KLHL1: variants seen among roughly 807,000 people sequenced by gnomAD.
KLHL1 encodes the protein kelch-like protein 1.
A neutral mutation model predicts 77.7 loss-of-function variants in KLHL1; 47 were observed. The observed-to-expected ratio is 0.60, with a 90% confidence interval of 0.48 to 0.77. KLHL1 has a LOEUF of 0.77. Ranked by LOEUF, KLHL1 falls within the 30% of genes least tolerant of loss-of-function variation. The pLI, the probability that KLHL1 is intolerant of heterozygous loss-of-function variation, is 0.00. For synonymous variants in KLHL1, 360 were observed against 325.2 expected (o/e 1.11, Z -1.15); for missense variants, 925 against 910.8 (o/e 1.02, Z -0.20).
chr13:69,906,075 T>A (rs1219180140), intron 4 of KLHL1, among the ~76,000 whole-genome samples: 1 of 152,062 alleles, frequency 6.6e-6, no homozygotes, highest in African/African-American at 2.4e-5. Flanking sequence ...TGGCTTCACA[T>A]TGGGAATTTT....
chr13:70,059,181 T>C (rs1465696523), intron 1 of KLHL1, among the ~76,000 whole-genome samples: 1 of 148,338 alleles, frequency 6.7e-6, no homozygotes, highest in Non-Finnish European at 1.5e-5. Flanking sequence ...TTTCCTGAGA[T>C]GGAATCTCAC....
rs1213045577 is a variant in KLHL1, at chr13:70,107,703, T to C, written c.-4A>G. On this transcript the variant is annotated 5_prime_UTR_variant, in exon 1 of 11. Transcript: ENST00000377844. ...CTTTTCGCCCAGAGCCTGACATGCT[T>C]TACGCACAGAAGGCAAAAGGCTGGC... 1.3e-6 allele frequency: 2 copies of C among 1,516,550 alleles called. No homozygotes were observed. The highest frequency in any genetic ancestry group is 8.8e-7 in the Non-Finnish European group (1 of 1,137,264). 93.9% of individuals were successfully genotyped at this position (1,516,550 alleles called of 1,614,324 possible).
At chr13:70,051,849 T>C (rs983335489) in intron 1 of KLHL1, among the ~76,000 whole-genome samples, 2 of 152,024 alleles carry the variant, frequency 1.3e-5, no homozygotes, top group East Asian at 3.8e-4. Context: ...AAATACTTGA[T>C]ATCTACATTT....
chr13:69,711,826 T>G (rs1875889450), intron 9 of KLHL1, among the ~76,000 whole-genome samples: 1 of 152,168 alleles, frequency 6.6e-6, no homozygotes, highest in Admixed American at 6.6e-5. Flanking sequence ...ACTCCTACCA[T>G]CAGTGTAATG....
chr13:69,938,097 G>A (rs1448092572), intron 4 of KLHL1, among the ~76,000 whole-genome samples: 1 of 152,038 alleles, frequency 6.6e-6, no homozygotes, highest in Non-Finnish European at 1.5e-5. Flanking sequence ...GAGAACATAT[G>A]CCTGATTGGA....
intron 8 of KLHL1, among the ~76,000 whole-genome samples, chr13:69,735,770 T>A (rs1273615887): frequency 1.3e-5 from 2 of 151,776 alleles, no homozygotes; most frequent in African/African-American, 2.4e-5. Context: ...AATCTGTAAA[T>A]ATTTATTTAC....
At chr13:70,056,018 A>G (rs1886736029) in intron 1 of KLHL1, among the ~76,000 whole-genome samples, 1 of 152,080 alleles carries the variant, frequency 6.6e-6, no homozygotes, top group Non-Finnish European at 1.5e-5. Flanking sequence ...CAATCAAAAG[A>G]CATGCTGTGG....
At chr13:69,925,551 G>T (rs990181180) in intron 4 of KLHL1, among the ~76,000 whole-genome samples, 2 of 152,052 alleles carry the variant, frequency 1.3e-5, no homozygotes, top group South Asian at 4.1e-4. Context: ...CATTGACACT[G>T]TTGAAGGATT....
chr13:69,740,372 A>C (rs767037112), intron 8 of KLHL1, 22 bp downstream of exon 8: 1 of 1,509,676 alleles, frequency 6.6e-7, no homozygotes, highest in African/African-American at 1.4e-5. Flanking sequence ...AAGATTAAAA[A>C]ATAAGAAAAA....
Position 69,860,010 on chromosome 13 carries a change from C to T in KLHL1, c.1228-20848G>A, listed in dbSNP as rs140255654. Among the ~76,000 whole-genome samples, 6 of 152,054 alleles carry T rather than the reference C, an allele frequency of 3.9e-5. No homozygotes were observed. In the East Asian group the frequency reaches 7.8e-4, roughly 20 times the overall value. ...TGATACCATCCCTGACTTATTCACC[C>T]GTTACAAATTCACTCAATTGTTAGG... On this transcript the variant is annotated intron_variant, in intron 5 of 10. Coordinates refer to ENST00000377844, the MANE Select transcript of KLHL1 (RefSeq NM_020866.3).
chr13:69,733,129 CTG>C (rs1427502681), intron 8 of KLHL1, among the ~76,000 whole-genome samples: 2 of 151,904 alleles, frequency 1.3e-5, no homozygotes, highest in African/African-American at 4.8e-5. Context: ...TGATAAATGA[CTG>C]TTCTGATTTC....
At chr13:69,955,058 A>C (rs1883825702) in intron 3 of KLHL1, among the ~76,000 whole-genome samples, 4 of 151,258 alleles carry the variant, frequency 2.6e-5, no homozygotes, top group African/African-American at 7.3e-5. Flanking sequence ...TTAAATCAAG[A>C]ATAGAATTTT....
At chr13:69,794,060 A>T (rs1566261461) in intron 7 of KLHL1, among the ~76,000 whole-genome samples, 2 of 152,154 alleles carry the variant, frequency 1.3e-5, no homozygotes, top group Non-Finnish European at 1.5e-5. Context: ...TGAATAGCAG[A>T]AGCAAACAGA....
intron 9 of KLHL1, among the ~76,000 whole-genome samples, chr13:69,709,334 A>G (rs558746976): frequency 4.7e-4 from 71 of 152,226 alleles, no homozygotes; most frequent in Admixed American, 1.3e-3. Context: ...TAAACATCAG[A>G]AAATAAAAGA....
chr13:69,879,111 G>A (rs910810362), intron 5 of KLHL1, among the ~76,000 whole-genome samples: 62 of 152,104 alleles, frequency 4.1e-4, no homozygotes, highest in Admixed American at 2.2e-3. Flanking sequence ...TAGGAGATAC[G>A]AGTTGATGGG....
chr13:69,954,934 T>G (rs1883822509), intron 3 of KLHL1, among the ~76,000 whole-genome samples: 1 of 151,156 alleles, frequency 6.6e-6, no homozygotes, highest in African/African-American at 2.4e-5. Context: ...ATTACTTTTA[T>G]TTTGTTACTG....
chr13:69,740,427 C>G lies in KLHL1; in HGVS notation c.1769G>C (p.Arg590Pro), dbSNP rs748882149. Reference protein sequence around the residue: ...WTFVASMSIARSTVGVAALNG... With the variant: ...WTFVASMSIAPSTVGVAALNG... ...CAATGCTGCTACACCAACTGTGCTC[C>G]GAGCAATTGACATACTGGCTACAAA... The change falls in exon 8 of 11, where the codon CGG (arginine) becomes CCG (proline). Residue 590 changes from arginine (R) to proline (P), a missense_variant. By Grantham distance (103) the Arg-to-Pro change is moderately radical. Coordinates refer to ENST00000377844, the MANE Select transcript of KLHL1 (RefSeq NM_020866.3). 1.7e-5 allele frequency: 27 copies of G among 1,609,150 alleles called. No individual in the cohort carries two copies. Among genetic ancestry groups the G allele is most frequent in the Non-Finnish European group, 3.4e-6 (4 of 1,176,820 alleles).
chr13:69,768,953 T>A (rs1248752504), intron 7 of KLHL1, among the ~76,000 whole-genome samples: 1 of 152,202 alleles, frequency 6.6e-6, no homozygotes, highest in Non-Finnish European at 1.5e-5. Context: ...TGTAATGCAG[T>A]TTTTATACAA....
At chr13:69,715,465 A>G (rs1876075611) in intron 9 of KLHL1, among the ~76,000 whole-genome samples, 1 of 151,796 alleles carries the variant, frequency 6.6e-6, no homozygotes, top group African/African-American at 2.4e-5. Context: ...ATGTGGAGCT[A>G]TGAGTCAATT....
Sources: gnomAD v4.1 joint callset for allele counts (sites outside exome capture counted in the v4.1 genomes callset) on GRCh38, gnomAD v4.1.1 for gene constraint, MANE v1.5 for transcripts, NCBI Gene and HGNC (gene_info 2026-07-23, HGNC 2026-07-21) for gene names.